PLD5: variants seen among roughly 807,000 people sequenced by gnomAD.
PLD5 encodes phospholipase D family member 5.
A neutral mutation model predicts 61.1 loss-of-function variants in PLD5; 36 were observed. That is an observed-to-expected ratio of 0.59 (90% confidence interval 0.45 to 0.78). PLD5 has a LOEUF of 0.78. PLD5 is among the 30% of genes least tolerant of loss of function. The pLI, the probability that PLD5 is intolerant of heterozygous loss-of-function variation, is 0.00. For missense variants in PLD5, 515 were observed against 644.4 expected, an observed-to-expected ratio of 0.80 and a Z score of 2.17; for synonymous variants, 243 against 242.8, an observed-to-expected ratio of 1.00 and a Z score of -0.01.
intron 1 of PLD5, among the ~76,000 whole-genome samples, chr1:242,376,148 C>G (rs1212423578): frequency 6.6e-6 from 1 of 152,186 alleles, no homozygotes; most frequent in East Asian, 1.9e-4. Flanking sequence ...GCTCTTAAAG[C>G]CAGCCTTGCA....
rs771360465 is a variant in PLD5 at position 242,100,763 on chromosome 1, C to T, written c.1259G>A (p.Arg420Lys). The T allele has an allele frequency of 1.2e-6, 2 of 1,611,452 alleles. No individual in the cohort carries two copies. The highest frequency in any genetic ancestry group is 1.3e-5 in the African/African-American group (1 of 74,536). Residue 420 changes from arginine (R) to lysine (K), a missense_variant, in exon 9 of 10, where the codon AGA becomes AAA. Around this residue, in one of 2 missense-constraint regions of PLD5, gnomAD observed 450 missense variants for 598.1 expected, o/e 0.75. Transcript: ENST00000536534. ...SLKVKFFDLE[R>K]ENACATKEQK... Reference sequence around the variant, plus strand: ...TTCTTTTGTAGCACAAGCATTCTCTCTTTCCAGATCAAAAAATTTCTGTAA... The same window carrying T: ...TTCTTTTGTAGCACAAGCATTCTCTTTTTCCAGATCAAAAAATTTCTGTAA...
chr1:242,132,202 G>GGA (rs1663341257), intron 5 of PLD5, among the ~76,000 whole-genome samples: 1 of 96,194 alleles, frequency 1.0e-5, no homozygotes, highest in Non-Finnish European at 2.3e-5. Context: ...CGGGGGGGGG[G>GGA]GGGGGCGGAA....
rs769631650 is a variant in PLD5, at chr1:242,090,117, A to G, written c.1355-7T>C. 3 of 1,608,982 alleles carry G rather than the reference A, an allele frequency of 1.9e-6. No individual in the cohort carries two copies. The highest frequency in any genetic ancestry group is 1.1e-5 in the South Asian group (1 of 91,076). Reference sequence around the variant, plus strand: ...CCTACCCAATCAAAATTTCCTGCAAACAAACAAAGAAATAATGTTGAGGAG... The same window carrying G: ...CCTACCCAATCAAAATTTCCTGCAAGCAAACAAAGAAATAATGTTGAGGAG... On this transcript the variant is annotated splice_region_variant and splice_polypyrimidine_tract_variant and intron_variant, in intron 9 of 9. Transcript: ENST00000536534.
chr1:242,483,251 G>C (rs969256712), intron 1 of PLD5, among the ~76,000 whole-genome samples: 2 of 152,080 alleles, frequency 1.3e-5, no homozygotes, highest in African/African-American at 4.8e-5. Context: ...CCAATTAAAA[G>C]ACACAGACTG....
intron 3 of PLD5, among the ~76,000 whole-genome samples, chr1:242,282,950 G>A (rs34365487): frequency 3.9e-5 from 6 of 152,116 alleles, no homozygotes; most frequent in South Asian, 2.1e-4. Flanking sequence ...GCTGTGATAC[G>A]GAGTAAGGGC....
At position 242,460,955 on chromosome 1, in the gene PLD5, G is replaced by A. The variant is rs376451634; in HGVS notation, c.189+63133C>T. Among the ~76,000 whole-genome samples, 18 of 151,978 alleles carry A rather than the reference G, an allele frequency of 1.2e-4. No homozygotes were observed. In the East Asian group the frequency reaches 2.7e-3, roughly 23 times the overall value. On this transcript the variant is annotated intron_variant, in intron 1 of 9. Coordinates refer to ENST00000536534, the MANE Select transcript of PLD5 (RefSeq NM_001372062.1). ...AGGAGTTCCAGACCAGCCTGGGCAAGGTGGTGAAACCCCATCTCTACTAAA... is the reference window on the plus strand; with the variant it reads ...AGGAGTTCCAGACCAGCCTGGGCAAAGTGGTGAAACCCCATCTCTACTAAA...
At chr1:242,375,226 G>C (rs1249696247) in intron 1 of PLD5, among the ~76,000 whole-genome samples, 1 of 152,208 alleles carries the variant, frequency 6.6e-6, no homozygotes, top group Non-Finnish European at 1.5e-5. Flanking sequence ...GGAGGGAATG[G>C]TGCTATTCTG....
intron 1 of PLD5, among the ~76,000 whole-genome samples, chr1:242,480,137 A>C (rs1390087219): frequency 6.6e-6 from 1 of 152,206 alleles, no homozygotes; most frequent in Non-Finnish European, 1.5e-5. Flanking sequence ...TAATTAAGAT[A>C]ATGTGGTACT....
intron 1 of PLD5, among the ~76,000 whole-genome samples, chr1:242,496,667 G>A (rs2102984919): frequency 6.6e-6 from 1 of 152,178 alleles, no homozygotes; most frequent in Non-Finnish European, 1.5e-5. Context: ...ATCAGAATAT[G>A]TATACAATTG....
At chr1:242,399,362 T>C (rs1277716061) in intron 1 of PLD5, among the ~76,000 whole-genome samples, 1 of 152,202 alleles carries the variant, frequency 6.6e-6, no homozygotes, top group Non-Finnish European at 1.5e-5. Flanking sequence ...ATCCAATTTA[T>C]GCTTGAAAAA....
chr1:242,207,987 T>C lies in PLD5; in HGVS notation c.735+12001A>G, dbSNP rs75542865. Reference sequence around the variant, plus strand: ...ATTTATATATATTTTTATATATATATTTATACACACACACACACACACACA... The same window carrying C: ...ATTTATATATATTTTTATATATATACTTATACACACACACACACACACACA... On this transcript the variant is annotated intron_variant, in intron 5 of 9. Transcript: ENST00000536534. 6.1e-5 allele frequency among the ~76,000 whole-genome samples: 2 copies of C among 32,830 alleles called. 1 individual carries two copies. Among genetic ancestry groups the C allele is most frequent in the Non-Finnish European group, 1.2e-4 (2 of 16,082 alleles). 21.5% of individuals were successfully genotyped at this position (32,830 alleles called of 152,430 possible). A position where few individuals can be genotyped will look rare whatever the true frequency, so the allele number is the denominator to read the frequency against.
At chr1:242,373,730 C>T (rs1661784084) in intron 1 of PLD5, among the ~76,000 whole-genome samples, 1 of 151,990 alleles carries the variant, frequency 6.6e-6, no homozygotes, top group Non-Finnish European at 1.5e-5. Context: ...CGTTCTCACT[C>T]ATAGGTGGGA....
rs117881980 is a variant in PLD5, at chr1:242,193,506, C to T, written c.735+26482G>A. Among the ~76,000 whole-genome samples, 67 of 152,330 alleles carry T rather than the reference C, an allele frequency of 4.4e-4. No individual in the cohort carries two copies. In the East Asian group the frequency reaches 9.6e-3, roughly 22 times the overall value. On this transcript the variant is annotated intron_variant, in intron 5 of 9. Coordinates refer to ENST00000536534, the MANE Select transcript of PLD5 (RefSeq NM_001372062.1). Reference sequence around the variant, plus strand: ...GGAGGGGTTCCCCTTGCCAAGGGCACACAGCTGGGGGCTGCTACTTCACAG... The same window carrying T: ...GGAGGGGTTCCCCTTGCCAAGGGCATACAGCTGGGGGCTGCTACTTCACAG...
At chr1:242,343,304 G>T (rs554657496) in intron 2 of PLD5, among the ~76,000 whole-genome samples, 45 of 152,174 alleles carry the variant, frequency 3.0e-4, no homozygotes, top group African/African-American at 1.1e-3. Context: ...CTTTATGATA[G>T]TGACAACACA....
At chr1:242,413,793 A>G (rs968226234) in intron 1 of PLD5, among the ~76,000 whole-genome samples, 1 of 152,150 alleles carries the variant, frequency 6.6e-6, no homozygotes, top group African/African-American at 2.4e-5. Flanking sequence ...GTTTGAAGCA[A>G]TCTGAAGCAG....
At chr1:242,366,540 G>A (rs1409207671) in intron 1 of PLD5, among the ~76,000 whole-genome samples, 4 of 152,092 alleles carry the variant, frequency 2.6e-5, no homozygotes, top group Non-Finnish European at 5.9e-5. Flanking sequence ...TTAGATTGGT[G>A]CAAAAGTGAT....
At chr1:242,315,615 C>T (rs573532540) in intron 2 of PLD5, among the ~76,000 whole-genome samples, 19 of 152,106 alleles carry the variant, frequency 1.2e-4, no homozygotes, top group African/African-American at 4.3e-4. Flanking sequence ...AAGTCCTCAA[C>T]GGCAGTTGCC....
At chr1:242,213,137 C>T (rs1669934898) in intron 5 of PLD5, among the ~76,000 whole-genome samples, 1 of 152,130 alleles carries the variant, frequency 6.6e-6, no homozygotes, top group African/African-American at 2.4e-5. Context: ...TCACAATTGG[C>T]CTATAATTGT....
At chr1:242,509,179 C>A (rs1349393588) in intron 1 of PLD5, among the ~76,000 whole-genome samples, 3 of 151,886 alleles carry the variant, frequency 2.0e-5, no homozygotes, top group Non-Finnish European at 2.9e-5. Context: ...GAGTTTGAGA[C>A]CAGCCTGGGC....
Sources: allele counts gnomAD v4.1 joint callset (sites outside exome capture counted in the v4.1 genomes callset), GRCh38; gene constraint gnomAD v4.1.1; regional missense constraint gnomAD v4.1.1; transcripts MANE v1.5; gene names NCBI Gene and HGNC (gene_info 2026-07-23, HGNC 2026-07-21).